The following ANAPC10 variants were observed in gnomAD, a reference collection of about 807,000 sequenced individuals.
ANAPC10 encodes anaphase promoting complex subunit 10, also known as anaphase-promoting complex subunit 10.
ANAPC10 carries 12 observed loss-of-function variants against 22.0 expected under a neutral mutation model. That is an observed-to-expected ratio of 0.55 (90% CI 0.35 to 0.88). The LOEUF is 0.88. Among genes scored for constraint, ANAPC10 ranks in the 40% least tolerant of loss-of-function variants. The pLI is 0.01. For missense variants in ANAPC10, 188 were observed against 220.9 expected, an observed-to-expected ratio of 0.85 and a Z score of 0.94; for synonymous variants, 65 against 69.5, an observed-to-expected ratio of 0.94 and a Z score of 0.32.
intron 4 of ANAPC10, among the ~76,000 whole-genome samples, chr4:145,058,618 T>C (rs1252569431): frequency 6.6e-6 from 1 of 152,292 alleles, no homozygotes; most frequent in East Asian, 1.9e-4. Flanking sequence ...ATCTGTTTTG[T>C]ATGAAATGCC....
chr4:145,054,654 CGT>C (rs1176861893), intron 4 of ANAPC10, among the ~76,000 whole-genome samples: 191 of 142,064 alleles, frequency 1.3e-3, no homozygotes, highest in African/African-American at 4.1e-3. Flanking sequence ...CGCGCGCGCG[CGT>C]GCGTGCAGCG....
chr4:145,023,899 C>G (rs569077643), intron 4 of ANAPC10, among the ~76,000 whole-genome samples: 2 of 152,232 alleles, frequency 1.3e-5, no homozygotes, highest in South Asian at 4.1e-4. Context: ...GCATGCAATG[C>G]TGTTTAGTAG....
At chr4:145,050,061 CCAGAAGATTTT>C (rs1740872561) in intron 4 of ANAPC10, among the ~76,000 whole-genome samples, 1 of 152,138 alleles carries the variant, frequency 6.6e-6, no homozygotes, top group African/African-American at 2.4e-5. Context: ...TAAGTTATTT[CCAGAAGATTTT>C]CAATTTGCTT....
At chr4:145,062,984 G>A (rs766974282) in intron 4 of ANAPC10, among the ~76,000 whole-genome samples, 6 of 152,124 alleles carry the variant, frequency 3.9e-5, no homozygotes, top group Non-Finnish European at 1.5e-5. Context: ...GAAGCAGAAG[G>A]AGAATGATAG....
intron 4 of ANAPC10, among the ~76,000 whole-genome samples, chr4:145,045,678 TAC>T (rs1740193000): frequency 6.6e-6 from 1 of 152,130 alleles, no homozygotes; most frequent in African/African-American, 2.4e-5. Context: ...CGTGATCTTC[TAC>T]ACACATGCTT....
intron 4 of ANAPC10, among the ~76,000 whole-genome samples, chr4:145,026,881 G>C (rs1736733475): frequency 8.3e-6 from 1 of 121,128 alleles, no homozygotes; most frequent in South Asian, 2.9e-4. Context: ...AGAAGTCTTA[G>C]AAATTTATAT....
intron 4 of ANAPC10, among the ~76,000 whole-genome samples, chr4:145,044,975 GT>G (rs1213714831): frequency 6.0e-5 from 9 of 151,102 alleles, no homozygotes; most frequent in Admixed American, 2.6e-4. Context: ...ACATTCGGAA[GT>G]TTTTTTTTAA....
At chr4:145,003,367 C>G (rs964669519) in intron 4 of ANAPC10, among the ~76,000 whole-genome samples, 2 of 152,102 alleles carry the variant, frequency 1.3e-5, no homozygotes, top group African/African-American at 2.4e-5. Context: ...TATGGTAGAA[C>G]GATTTATATT....
intron 4 of ANAPC10, among the ~76,000 whole-genome samples, chr4:145,006,607 T>C (rs545073028): frequency 6.6e-6 from 1 of 152,300 alleles, no homozygotes; most frequent in East Asian, 1.9e-4. Context: ...TATCAAATTG[T>C]CATTTTTGTA....
chr4:145,005,389 T>G (rs772041489), intron 4 of ANAPC10, among the ~76,000 whole-genome samples: 1 of 152,104 alleles, frequency 6.6e-6, no homozygotes. Context: ...TAGCAGTCTA[T>G]CTTATTCTTT....
intron 4 of ANAPC10, among the ~76,000 whole-genome samples, chr4:145,057,489 T>C (rs1742228943): frequency 6.6e-6 from 1 of 152,148 alleles, no homozygotes; most frequent in African/African-American, 2.4e-5. Flanking sequence ...TATCCAACTC[T>C]CGAATATTGG....
chr4:145,006,219 T>C (rs1733324780), intron 4 of ANAPC10, among the ~76,000 whole-genome samples: 1 of 152,100 alleles, frequency 6.6e-6, no homozygotes, highest in East Asian at 1.9e-4. Context: ...CCTTTTTGTC[T>C]TTTGTGATCT....
chr4:145,091,171 T>C (rs1195267852), intron 2 of ANAPC10, among the ~76,000 whole-genome samples: 1 of 152,236 alleles, frequency 6.6e-6, no homozygotes, highest in South Asian at 2.1e-4. Context: ...ACTCCTCTAG[T>C]AGCAGTAACT....
chr4:145,073,174 G>A (rs546389939), intron 3 of ANAPC10, among the ~76,000 whole-genome samples: 5 of 152,274 alleles, frequency 3.3e-5, no homozygotes, highest in East Asian at 1.9e-4. Flanking sequence ...GATTATAGGC[G>A]TGAGCCACTG....
chr4:145,095,952 T>C, intron 2 of ANAPC10, 33 bp downstream of exon 2: 1 of 1,613,912 alleles, frequency 6.2e-7, no homozygotes, highest in Non-Finnish European at 8.5e-7. Context: ...CAAGTGACTA[T>C]TTCCAACAGC....
intron 3 of ANAPC10, among the ~76,000 whole-genome samples, chr4:145,080,507 C>T (rs1340262078): frequency 6.6e-6 from 1 of 152,160 alleles, no homozygotes; most frequent in East Asian, 1.9e-4. Context: ...GATGAGATGG[C>T]CCACAAAGTC....
intron 4 of ANAPC10, among the ~76,000 whole-genome samples, chr4:145,034,856 G>A (rs1210571012): frequency 1.3e-5 from 2 of 152,006 alleles, no homozygotes; most frequent in Non-Finnish European, 2.9e-5. Context: ...GCCTGCTTTA[G>A]TGTCCCTGTT....
Position 144,995,284 on chromosome 4 carries a change from G to A in ANAPC10, c.*89C>T. On this transcript the variant is annotated 3_prime_UTR_variant, in exon 5 of 5. Transcript: ENST00000507656. ...AACATATACAAAATTAGATATAACGGATGCCTTGTTCAATAAAGGTACATG... is the reference window on the plus strand; with the variant it reads ...AACATATACAAAATTAGATATAACGAATGCCTTGTTCAATAAAGGTACATG... The A allele has an allele frequency of 2.7e-6, 2 of 731,046 alleles. No homozygotes were observed. The highest frequency in any genetic ancestry group is 4.3e-6 in the Non-Finnish European group (2 of 467,816). The allele number at this position is 731,046 out of a possible 1,614,324, so 45.3% of individuals were successfully genotyped here. A position where few individuals can be genotyped will look rare whatever the true frequency, so the allele number is the denominator to read the frequency against.
At chr4:145,081,940 C>T (rs1431713038) in intron 2 of ANAPC10, among the ~76,000 whole-genome samples, 190 bp from the exon 3 acceptor site, 1 of 152,118 alleles carries the variant, frequency 6.6e-6, no homozygotes, top group Non-Finnish European at 1.5e-5. Flanking sequence ...GAACTCCCAG[C>T]CTCAAGTGAT....
Sources: allele counts gnomAD v4.1 joint callset (sites outside exome capture counted in the v4.1 genomes callset), GRCh38; gene constraint gnomAD v4.1.1; transcripts MANE v1.5; gene names NCBI Gene and HGNC (gene_info 2026-07-23, HGNC 2026-07-21).